Variants in CDC42SE2 observed in about 807,000 individuals in gnomAD.
CDC42SE2 encodes CDC42 small effector 2.
In CDC42SE2, 3 loss-of-function variants were observed where a neutral mutation model predicts 11.5. The observed-to-expected ratio is 0.26, with a 90% CI of 0.12 to 0.67. The LOEUF (loss-of-function observed/expected upper bound fraction) is 0.67, where lower values mean the gene tolerates loss of function less well. Among genes scored for constraint, CDC42SE2 ranks in the 30% least tolerant of loss-of-function variants. The pLI is 0.80. For synonymous variants in CDC42SE2, 33 were observed against 34.8 expected (o/e 0.95, Z 0.18); for missense variants, 82 against 106.8 (o/e 0.77, Z 1.02).
chr5:131,342,635 G>A (rs529567098), intron 2 of CDC42SE2, among the ~76,000 whole-genome samples: 7 of 151,038 alleles, frequency 4.6e-5, no homozygotes, highest in African/African-American at 1.5e-4. Flanking sequence ...TGATTTGCCC[G>A]CCTCAGCCTC....
At chr5:131,327,124 T>G (rs1335592629) in intron 2 of CDC42SE2, among the ~76,000 whole-genome samples, 1 of 152,240 alleles carries the variant, frequency 6.6e-6, no homozygotes, top group Non-Finnish European at 1.5e-5. Context: ...CTTTCCCTTT[T>G]GACTAACTCC....
chr5:131,313,532 G>T (rs1757975702), intron 1 of CDC42SE2, among the ~76,000 whole-genome samples: 1 of 152,116 alleles, frequency 6.6e-6, no homozygotes, highest in African/African-American at 2.4e-5. Context: ...TTGGCATGCG[G>T]TATGAATATT....
chr5:131,350,406 A>C (rs1580772763), intron 2 of CDC42SE2, among the ~76,000 whole-genome samples: 1 of 152,158 alleles, frequency 6.6e-6, no homozygotes, highest in South Asian at 2.1e-4. Flanking sequence ...CAAAATATTA[A>C]TGTCAAAATT....
intron 2 of CDC42SE2, among the ~76,000 whole-genome samples, chr5:131,338,617 T>C (rs1465052145): frequency 3.3e-5 from 5 of 152,208 alleles, no homozygotes; most frequent in Admixed American, 6.5e-5. Flanking sequence ...AATCCTCACA[T>C]AAATCTTTGA....
At chr5:131,288,418 T>C (rs1249554280) in intron 1 of CDC42SE2, among the ~76,000 whole-genome samples, 1 of 152,216 alleles carries the variant, frequency 6.6e-6, no homozygotes, top group African/African-American at 2.4e-5. Context: ...TCATGAAATA[T>C]CAGCCTATTG....
At chr5:131,279,499 T>A (rs892941433) in intron 1 of CDC42SE2, among the ~76,000 whole-genome samples, 1 of 133,870 alleles carries the variant, frequency 7.5e-6, no homozygotes, top group African/African-American at 2.7e-5. Flanking sequence ...CTGAGTTCAA[T>A]TTTTTTTAAC....
At chr5:131,234,373 C>T in the CDC42SE2 span, among the ~76,000 whole-genome samples, 1 of 152,222 alleles carries the variant, frequency 6.6e-6, no homozygotes, top group East Asian at 1.9e-4. Context: ...CGCAGTGGCT[C>T]ACTCCTGTAA....
the CDC42SE2 span, among the ~76,000 whole-genome samples, chr5:131,221,509 A>G: frequency 6.6e-6 from 1 of 151,998 alleles, no homozygotes; most frequent in African/African-American, 2.4e-5. Context: ...ATTAGCTACT[A>G]TACAAAATAC....
chr5:131,267,624 A>T (rs1756897015), intron 1 of CDC42SE2, among the ~76,000 whole-genome samples: 1 of 152,208 alleles, frequency 6.6e-6, no homozygotes, highest in South Asian at 2.1e-4. Flanking sequence ...ATTAATAATG[A>T]TACTAACATG....
rs1018187176 is a variant in CDC42SE2, at chr5:131,316,031, A to C, written c.-399A>C. The C allele has an allele frequency of 2.6e-5, 4 of 152,318 alleles. No individual in the cohort carries two copies. Among genetic ancestry groups the C allele is most frequent in the African/African-American group, 7.2e-5 (3 of 41,442 alleles). The allele number at this position is 152,318 out of a possible 1,614,324, so 9.4% of individuals were successfully genotyped here. A position where few individuals can be genotyped will look rare whatever the true frequency, so the allele number is the denominator to read the frequency against. On this transcript the variant is annotated 5_prime_UTR_variant, in exon 2 of 5. Transcript: ENST00000505065. ...GAGTGAAACCTGGAACCCAAATGAG[A>C]AGAAATCTGCAAGGAATAACTACTG...
chr5:131,348,849 A>C (rs776462053), intron 2 of CDC42SE2, among the ~76,000 whole-genome samples: 1 of 152,204 alleles, frequency 6.6e-6, no homozygotes, highest in African/African-American at 2.4e-5. Context: ...ATCTACACCC[A>C]TCTGATCTTT....
intron 1 of CDC42SE2, among the ~76,000 whole-genome samples, chr5:131,313,562 T>C (rs886956429): frequency 6.6e-6 from 1 of 152,186 alleles, no homozygotes; most frequent in African/African-American, 2.4e-5. Flanking sequence ...CAGCTTCATT[T>C]GTTGAGAAAG....
intron 4 of CDC42SE2, among the ~76,000 whole-genome samples, chr5:131,388,342 C>G (rs975870279): frequency 6.6e-6 from 1 of 152,054 alleles, no homozygotes; most frequent in East Asian, 1.9e-4. Flanking sequence ...TTTGATGAGC[C>G]TGACTCTGTG....
chr5:131,372,007 G>T (rs1750024666), intron 3 of CDC42SE2, among the ~76,000 whole-genome samples: 1 of 151,954 alleles, frequency 6.6e-6, no homozygotes, highest in Non-Finnish European at 1.5e-5. Flanking sequence ...CCCCATCACT[G>T]TTTGTTTTGT....
the CDC42SE2 span, among the ~76,000 whole-genome samples, chr5:131,216,965 G>T: frequency 0.011 from 1,636 of 152,236 alleles, 34 homozygotes; most frequent in African/African-American, 0.037. Context: ...CTTAGACTGG[G>T]TGAATCAATA....
intron 2 of CDC42SE2, among the ~76,000 whole-genome samples, chr5:131,346,529 C>T (rs1197625311): frequency 6.6e-6 from 1 of 152,138 alleles, no homozygotes; most frequent in Non-Finnish European, 1.5e-5. Flanking sequence ...TACAAAGAGA[C>T]TTAGATTCCC....
the CDC42SE2 span, among the ~76,000 whole-genome samples, chr5:131,231,838 C>T: frequency 6.6e-6 from 1 of 151,798 alleles, no homozygotes; most frequent in African/African-American, 2.4e-5. Flanking sequence ...GTCGCCCAGG[C>T]TGGAGTGTGG....
chr5:131,347,577 G>C (rs1249737860), intron 2 of CDC42SE2, among the ~76,000 whole-genome samples: 1 of 152,140 alleles, frequency 6.6e-6, no homozygotes, highest in African/African-American at 2.4e-5. Context: ...GGTACAAAGA[G>C]GAGCTGGTAC....
chr5:131,367,178 A>G (rs920145593), intron 3 of CDC42SE2, among the ~76,000 whole-genome samples: 1 of 151,850 alleles, frequency 6.6e-6, no homozygotes, highest in African/African-American at 2.4e-5. Flanking sequence ...ATGTGTGTGT[A>G]TATATATCAT....
Sources: gnomAD v4.1 joint callset for allele counts (sites outside exome capture counted in the v4.1 genomes callset) on GRCh38, gnomAD v4.1.1 for gene constraint, MANE v1.5 for transcripts, NCBI Gene and HGNC (gene_info 2026-07-23, HGNC 2026-07-21) for gene names.